The following CNTLN variants were observed in gnomAD, a reference collection of about 807,000 sequenced individuals.
CNTLN encodes centlein, also known as centlein, centrosomal protein.
In CNTLN, 212 loss-of-function variants were observed where a neutral mutation model predicts 180.0. The observed-to-expected ratio is 1.18, with a 90% CI of 1.05 to 1.32. The LOEUF is 1.32. CNTLN is among the 40% of genes most tolerant of loss of function. CNTLN has a pLI of 0.00. For synonymous variants in CNTLN, 722 were observed against 563.1 expected (o/e 1.28, Z -3.99); for missense variants, 2,095 against 1,610.9 (o/e 1.30, Z -5.14).
chr9:17,308,884 ATTAG>A (rs1047492316), intron 7 of CNTLN, among the ~76,000 whole-genome samples, 170 bp from the exon 8 acceptor site: 1 of 150,408 alleles, frequency 6.6e-6, no homozygotes, highest in African/African-American at 2.4e-5. Flanking sequence ...TATTATATAA[ATTAG>A]TTATTTTTTG....
intron 5 of CNTLN, among the ~76,000 whole-genome samples, chr9:17,257,220 T>A (rs1032613576): frequency 2.6e-5 from 4 of 151,868 alleles, no homozygotes; most frequent in African/African-American, 9.7e-5. Context: ...AGTGAGAATA[T>A]GCGGTGTTTG....
intron 18 of CNTLN, among the ~76,000 whole-genome samples, chr9:17,450,385 G>A (rs985307633): frequency 2.6e-5 from 4 of 152,086 alleles, no homozygotes; most frequent in African/African-American, 9.7e-5. Flanking sequence ...ACATGAGATT[G>A]TTTAAAAAAG....
chr9:17,480,728 C>T (rs1011898638), intron 23 of CNTLN, among the ~76,000 whole-genome samples: 2 of 152,084 alleles, frequency 1.3e-5, no homozygotes, highest in African/African-American at 4.8e-5. Context: ...TTTATCTATC[C>T]ACTTAAAAAT....
At chr9:17,340,739 T>C (rs1479967989) in intron 10 of CNTLN, 88 bp from the exon 11 acceptor site, 12 of 1,142,002 alleles carry the variant, frequency 1.1e-5, no homozygotes, top group Non-Finnish European at 1.4e-5. Flanking sequence ...CTTTCAAATT[T>C]CATATTTAGA....
chr9:17,176,715 G>C (rs897299015), intron 2 of CNTLN, among the ~76,000 whole-genome samples: 4 of 152,116 alleles, frequency 2.6e-5, no homozygotes, highest in Non-Finnish European at 4.4e-5. Flanking sequence ...TGAACCTGGA[G>C]GGTTCTTTTC....
chr9:17,367,349 CTGAGT>C (rs986942730), intron 13 of CNTLN, among the ~76,000 whole-genome samples: 3 of 152,134 alleles, frequency 2.0e-5, no homozygotes, highest in Non-Finnish European at 4.4e-5. Context: ...TGGTTGGAAC[CTGAGT>C]TCTGGCAAGC....
chr9:17,491,010 TG>T (rs1833134067), intron 25 of CNTLN, among the ~76,000 whole-genome samples: 2 of 152,084 alleles, frequency 1.3e-5, no homozygotes, highest in South Asian at 4.1e-4. Context: ...TGGTCTTACC[TG>T]TTCACATATC....
Position 17,394,779 on chromosome 9 carries a change from G to T in CNTLN, c.2325G>T (p.Arg775Ser). Residue 775 changes from arginine (R) to serine (S), a missense_variant, in exon 15 of 26, where the codon AGG becomes AGT. By Grantham distance (110) the Arg-to-Ser change is moderately radical (BLOSUM62 -1). Transcript: ENST00000380647. Reference sequence around the variant, plus strand: ...TGGAGACAGAAGTCACTTCCCTGAGGAGACAAGTGGCAGAAGCTAATGCAT... The same window carrying T: ...TGGAGACAGAAGTCACTTCCCTGAGTAGACAAGTGGCAGAAGCTAATGCAT... ...SELETEVTSL[R>S]RQVAEANALR... The T allele has an allele frequency of 6.2e-7, 1 of 1,613,994 alleles. No individual in the cohort carries two copies. The highest frequency in any genetic ancestry group is 8.5e-7 in the Non-Finnish European group (1 of 1,179,972).
chr9:17,269,474 T>C (rs965945481), intron 5 of CNTLN, among the ~76,000 whole-genome samples: 1 of 152,144 alleles, frequency 6.6e-6, no homozygotes, highest in African/African-American at 2.4e-5. Flanking sequence ...TAATTTTTAT[T>C]TGTCTCAAGG....
intron 16 of CNTLN, among the ~76,000 whole-genome samples, chr9:17,412,413 G>T (rs1827919136): frequency 6.6e-6 from 1 of 152,150 alleles, no homozygotes; most frequent in Non-Finnish European, 1.5e-5. Flanking sequence ...AAAGCAAGAT[G>T]ACAGATGTTG....
chr9:17,401,123 C>T (rs1826940192), intron 15 of CNTLN, among the ~76,000 whole-genome samples: 1 of 152,116 alleles, frequency 6.6e-6, no homozygotes, highest in Non-Finnish European at 1.5e-5. Flanking sequence ...AGGTTCCTAG[C>T]ATTTTATTCC....
chr9:17,509,172 G>A, the CNTLN span, among the ~76,000 whole-genome samples: 2 of 152,182 alleles, frequency 1.3e-5, no homozygotes, highest in African/African-American at 4.8e-5. Flanking sequence ...CACTCACCAA[G>A]GCTGACCTGG....
At chr9:17,444,655 T>G (rs1042308647) in intron 18 of CNTLN, among the ~76,000 whole-genome samples, 8 of 152,166 alleles carry the variant, frequency 5.3e-5, no homozygotes, top group Non-Finnish European at 1.0e-4. Flanking sequence ...CACCTAGACT[T>G]ACCCTCTTAC....
At chr9:17,472,071 A>G (rs999031161) in intron 23 of CNTLN, among the ~76,000 whole-genome samples, 3 of 152,148 alleles carry the variant, frequency 2.0e-5, no homozygotes, top group Non-Finnish European at 4.4e-5. Flanking sequence ...AGTATATTTC[A>G]ACCAAACAAC....
At chr9:17,474,577 T>C (rs988084620) in intron 23 of CNTLN, among the ~76,000 whole-genome samples, 2 of 152,096 alleles carry the variant, frequency 1.3e-5, no homozygotes, top group African/African-American at 4.8e-5. Context: ...CCTTTTAAAA[T>C]GGAAAACATG....
At position 17,260,107 on chromosome 9, in the gene CNTLN, G is replaced by A. The variant is rs535710064; in HGVS notation, c.850-13626G>A. ...GGATCTTTCCTGCTTTCTCTTGTGG[G>A]CATTTAGTGCTATAAATTTCCCTCT... On this transcript the variant is annotated intron_variant, in intron 5 of 25. Transcript: ENST00000380647. Among the ~76,000 whole-genome samples the A allele has an allele frequency of 1.5e-3, 213 of 146,164 alleles. 9 individuals carry two copies. Among genetic ancestry groups the A allele is most frequent in the African/African-American group, 5.2e-3 (194 of 37,392 alleles).
intron 12 of CNTLN, among the ~76,000 whole-genome samples, chr9:17,346,684 T>C (rs568035758): frequency 5.6e-4 from 85 of 152,352 alleles, no homozygotes; most frequent in African/African-American, 1.9e-3. Flanking sequence ...AGTTTGGTCA[T>C]AACATGTCTT....
intron 15 of CNTLN, among the ~76,000 whole-genome samples, chr9:17,405,849 C>T (rs1053052622): frequency 1.1e-4 from 16 of 151,580 alleles, no homozygotes; most frequent in South Asian, 2.1e-4. Context: ...AGTGCAGTGG[C>T]GTGATCTCAG....
intron 2 of CNTLN, among the ~76,000 whole-genome samples, chr9:17,175,955 T>C (rs1820694044): frequency 6.6e-6 from 1 of 152,154 alleles, no homozygotes; most frequent in South Asian, 2.1e-4. Context: ...TGTGCACTTA[T>C]TATTTCTAAG....
Sources: allele counts gnomAD v4.1 joint callset (sites outside exome capture counted in the v4.1 genomes callset), GRCh38; gene constraint gnomAD v4.1.1; transcripts MANE v1.5; gene names NCBI Gene and HGNC (gene_info 2026-07-23, HGNC 2026-07-21).